QPCT: variants seen among roughly 807,000 people sequenced by gnomAD.
QPCT encodes EC.
QPCT carries 44 observed loss-of-function variants against 43.4 expected under a neutral mutation model. The ratio of observed to expected loss-of-function variants is 1.01; its 90% CI spans 0.80 to 1.30. The LOEUF (loss-of-function observed/expected upper bound fraction) is 1.30, where lower values mean the gene tolerates loss of function less well. Ranked by LOEUF, QPCT falls within the 50% of genes most tolerant of loss-of-function variation. The probability of loss-of-function intolerance (pLI) is 0.00; values close to 1 mark genes in which losing one functional copy is unlikely to be tolerated. For synonymous variants in QPCT, 168 were observed against 168.4 expected, an observed-to-expected ratio of 1.00 and a Z score of 0.02; for missense variants, 526 against 436.5, an observed-to-expected ratio of 1.21 and a Z score of -1.83.
At chr2:37,349,273 C>A (rs543233873) in intron 1 of QPCT, among the ~76,000 whole-genome samples, 1 of 152,270 alleles carries the variant, frequency 6.6e-6, no homozygotes, top group East Asian at 1.9e-4. Flanking sequence ...GGTTGAGGAG[C>A]AAACACATGT....
intron 3 of QPCT, 31 bp downstream of exon 3, chr2:37,359,889 A>T (rs764055098): frequency 6.3e-7 from 1 of 1,597,912 alleles, no homozygotes; most frequent in Non-Finnish European, 8.6e-7. Context: ...GATTCCTAGG[A>T]TAAAGTACAT....
At position 37,369,717 on chromosome 2, in the gene QPCT, T is replaced by G; in HGVS notation, c.756T>G (p.Ala252=). 2 of 1,608,216 alleles carry G rather than the reference T, an allele frequency of 1.2e-6. No homozygotes were observed. Among genetic ancestry groups the G allele is most frequent in the South Asian group, 1.1e-5 (1 of 90,948 alleles). ...TGGTCTTATTGGATTTGATTGGAGC[T>G]CCAAACCCAACGTTTCCCAATTTTT... ...DLLVLLDLIG[A]PNPTFPNFFP... Residue 252 remains alanine (A), a synonymous_variant, in exon 5 of 7, where the codon GCT becomes GCG. Coordinates refer to ENST00000338415, the MANE Select transcript of QPCT (RefSeq NM_012413.4).
Position 37,372,995 on chromosome 2 carries a change from TG to T in QPCT, c.*169del, listed in dbSNP as rs540820210. The T allele has an allele frequency of 1.0e-4, 56 of 534,612 alleles. No individual in the cohort carries two copies. In the South Asian group the frequency reaches 2.1e-3, roughly 20 times the overall value. 33.1% of individuals were successfully genotyped at this position (534,612 alleles called of 1,614,324 possible). A position where few individuals can be genotyped will look rare whatever the true frequency, so the allele number is the denominator to read the frequency against. ...CAGATCAATTACAGAATAATTGTGT[TG>T]TGATATTGTGTCCTAAATTGCTCAT... On this transcript the variant is annotated 3_prime_UTR_variant, in exon 7 of 7. Coordinates refer to ENST00000338415, the MANE Select transcript of QPCT (RefSeq NM_012413.4).
At chr2:37,364,610 T>C (rs1386185145) in intron 3 of QPCT, among the ~76,000 whole-genome samples, 1 of 152,298 alleles carries the variant, frequency 6.6e-6, no homozygotes. Context: ...TGGATTGCGA[T>C]GTTTGTGTAC....
intron 3 of QPCT, among the ~76,000 whole-genome samples, chr2:37,366,727 G>C: frequency 1.3e-5 from 2 of 152,238 alleles, no homozygotes; most frequent in East Asian, 3.8e-4. Flanking sequence ...TCGAGCTGCA[G>C]TGCAGGTTCA....
chr2:37,362,388 A>G (rs1194792009), intron 3 of QPCT, among the ~76,000 whole-genome samples: 1 of 152,238 alleles, frequency 6.6e-6, no homozygotes, highest in Non-Finnish European at 1.5e-5. Context: ...TTTAATGCTT[A>G]TTAAACCCTG....
chr2:37,352,049 T>C (rs79963561), intron 1 of QPCT, among the ~76,000 whole-genome samples: 9,029 of 150,864 alleles, frequency 0.06, 815 homozygotes, highest in East Asian at 0.35. Flanking sequence ...AAAAAGATTA[T>C]GAAAGAAACA....
chr2:37,345,301 TGCTGGGGC>T (rs66559974), intron 1 of QPCT, among the ~76,000 whole-genome samples: 45,386 of 151,852 alleles, frequency 0.3, 7,593 homozygotes, highest in East Asian at 0.37. Context: ...CCAAGGATGC[TGCTGGGGC>T]GCTGAAGTGT....
At chr2:37,357,447 T>G (rs1672773811) in intron 2 of QPCT, among the ~76,000 whole-genome samples, 1 of 152,198 alleles carries the variant, frequency 6.6e-6, no homozygotes, top group South Asian at 2.1e-4. Context: ...ATATTCTCAT[T>G]AAATCAATTC....
intron 4 of QPCT, chr2:37,368,782 A>G (rs193255632): frequency 2.3e-6 from 1 of 432,580 alleles, no homozygotes. Flanking sequence ...GTCCAAATAT[A>G]TGAAGCCACA....
chr2:37,371,418 C>T (rs956507210), intron 5 of QPCT, among the ~76,000 whole-genome samples: 12 of 114,654 alleles, frequency 1.0e-4, no homozygotes, highest in East Asian at 2.8e-4. Flanking sequence ...TGGGCGACAG[C>T]GAGACTCCAT....
intron 5 of QPCT, 104 bp downstream of exon 5, chr2:37,369,888 A>G (rs1673039641): frequency 9.5e-7 from 1 of 1,056,850 alleles, no homozygotes; most frequent in Admixed American, 1.9e-5. Flanking sequence ...GCAGTGGCTC[A>G]CACCTGTAAT....
At position 37,367,271 on chromosome 2, in the gene QPCT, A is replaced by T; in HGVS notation, c.586A>T (p.Ile196Phe). The change falls in exon 4 of 7, where the codon ATC becomes TTC. Residue 196 changes from isoleucine to phenylalanine, a missense_variant. Physicochemically the swap from Ile to Phe is conservative, Grantham distance 21 (BLOSUM62 0). Transcript: ENST00000338415. ...DSKPDLSLQL[I>F]FFDGEEAFLH... ...CAAGCCAGATTTGTCACTCCAGCTG[A>T]TCTTCTTTGATGGTGAAGAGGCTTT... 5.6e-6 allele frequency: 9 copies of T among 1,613,960 alleles called. No individual in the cohort carries two copies. Among genetic ancestry groups the T allele is most frequent in the Non-Finnish European group, 7.6e-6 (9 of 1,179,944 alleles).
rs751456326 is a variant in QPCT at position 37,359,644 on chromosome 2, G to C, written c.332G>C (p.Ser111Thr). ...GTCTTGGAAATAGACACCTTCTTGA[G>C]TCAGACACCCTATGGGTACCGGTCT... The part of the protein sequence containing the change: ...DWVLEIDTFL[S>T]QTPYGYRSFS... Residue 111 changes from serine (S) to threonine (T), a missense_variant, in exon 3 of 7, where the codon AGT becomes ACT. Coordinates refer to ENST00000338415, the MANE Select transcript of QPCT (RefSeq NM_012413.4). The C allele has an allele frequency of 4.3e-6, 7 of 1,613,972 alleles. No homozygotes were observed. Among genetic ancestry groups the C allele is most frequent in the Non-Finnish European group, 5.9e-6 (7 of 1,179,984 alleles).
intron 2 of QPCT, among the ~76,000 whole-genome samples, chr2:37,357,799 C>T (rs1672779352): frequency 6.6e-6 from 1 of 151,986 alleles, no homozygotes; most frequent in Non-Finnish European, 1.5e-5. Context: ...TGTTTTGAGT[C>T]TCTTGCCTAC....
rs1460822693 is a variant in QPCT at position 37,347,165 on chromosome 2, A to T, written c.120+2314A>T. On this transcript the variant is annotated intron_variant, in intron 1 of 6. Transcript: ENST00000338415. ...TGTTTTATATATATATATATATATA[A>T]CATATATATATATAACATATATATA... Among the ~76,000 whole-genome samples, 282 of 27,090 alleles carry T rather than the reference A, an allele frequency of 0.01. 59 individuals are homozygous for T. The East Asian group carries it at 0.37, about 36-fold the overall frequency. 17.8% of individuals were successfully genotyped at this position (27,090 alleles called of 152,430 possible).
intron 2 of QPCT, among the ~76,000 whole-genome samples, chr2:37,355,418 T>C (rs910818073): frequency 6.6e-6 from 1 of 152,154 alleles, no homozygotes; most frequent in African/African-American, 2.4e-5. Flanking sequence ...TGAGGCCTTT[T>C]TGAACACTAG....
chr2:37,372,925 A>T lies in QPCT; in HGVS notation c.*98A>T, dbSNP rs549096791. The T allele has an allele frequency of 1.3e-5, 14 of 1,062,058 alleles. No individual in the cohort carries two copies. Among genetic ancestry groups the T allele is most frequent in the Non-Finnish European group, 1.9e-5 (14 of 745,752 alleles). The allele number at this position is 1,062,058 out of a possible 1,614,324, so 65.8% of individuals were successfully genotyped here. ...GATTTCAGACAAATGCTGTGTGGAA[A>T]CATCTATCCTATAGATCATCCTATT... On this transcript the variant is annotated 3_prime_UTR_variant, in exon 7 of 7. Transcript: ENST00000338415.
rs746914918 is a variant in QPCT, at chr2:37,359,588, G to A, written c.276G>A (p.Met92Ile). 2 of 1,613,510 alleles carry A rather than the reference G, an allele frequency of 1.2e-6. No homozygotes were observed. Among genetic ancestry groups the A allele is most frequent in the South Asian group, 1.1e-5 (1 of 91,056 alleles). Residue 92 changes from methionine to isoleucine, a missense_variant, in exon 3 of 7, where the codon ATG becomes ATA. Met to Ile is a conservative substitution (Grantham distance 10). Transcript: ENST00000338415. ...TTTTTTGTTTTGATCAGCACATCATGCAGCGAATTCAGAGGCTTCAGGCTG... is the reference window on the plus strand; with the variant it reads ...TTTTTTGTTTTGATCAGCACATCATACAGCGAATTCAGAGGCTTCAGGCTG... ...PGSYAARQHI[M>I]QRIQRLQADW...
Sources: gnomAD v4.1 joint callset for allele counts (sites outside exome capture counted in the v4.1 genomes callset) on GRCh38, gnomAD v4.1.1 for gene constraint, MANE v1.5 for transcripts, NCBI Gene and HGNC (gene_info 2026-07-23, HGNC 2026-07-21) for gene names.